HIVEP3: variants seen among roughly 807,000 people sequenced by gnomAD.
The protein encoded by HIVEP3 is HIVEP zinc finger 3.
A neutral mutation model predicts 152.8 loss-of-function variants in HIVEP3; 49 were observed. The ratio of observed to expected loss-of-function variants is 0.32; its 90% confidence interval spans 0.26 to 0.41. The LOEUF is 0.41. HIVEP3 is among the 10% of genes least tolerant of loss of function. The pLI is 1.00. For synonymous variants in HIVEP3, 1,269 were observed against 1,289.0 expected (o/e 0.98, Z 0.33); for missense variants, 2,790 against 3,103.3 (o/e 0.90, Z 2.40).
intron 1 of HIVEP3, among the ~76,000 whole-genome samples, chr1:41,784,660 C>A (rs1312207581): frequency 2.6e-5 from 4 of 152,176 alleles, no homozygotes; most frequent in Admixed American, 2.0e-4. Flanking sequence ...TGGTTACACA[C>A]CCCATGGGAC....
intron 3 of HIVEP3, among the ~76,000 whole-genome samples, chr1:41,589,976 A>C (rs1162764147): frequency 6.6e-6 from 1 of 152,270 alleles, no homozygotes; most frequent in East Asian, 1.9e-4. Context: ...GGAGGCACTC[A>C]GTAAATATTC....
intron 7 of HIVEP3, among the ~76,000 whole-genome samples, chr1:41,516,893 C>G (rs1400951234): frequency 6.6e-6 from 1 of 152,266 alleles, no homozygotes; most frequent in Non-Finnish European, 1.5e-5. Context: ...CCTCACTTGG[C>G]TCTTCTGCTT....
intron 1 of HIVEP3, among the ~76,000 whole-genome samples, chr1:41,814,062 G>A (rs1194190291): frequency 6.6e-6 from 1 of 152,178 alleles, no homozygotes; most frequent in African/African-American, 2.4e-5. Context: ...ATCTCCTGAT[G>A]GTCTTGACCT....
chr1:41,609,932 ACT>A (rs1416238484), intron 3 of HIVEP3, among the ~76,000 whole-genome samples: 1 of 152,222 alleles, frequency 6.6e-6, no homozygotes, highest in African/African-American at 2.4e-5. Context: ...GAATTGGTAA[ACT>A]CTGAGTAAAG....
intron 5 of HIVEP3, among the ~76,000 whole-genome samples, chr1:41,558,003 T>C (rs1643994849): frequency 6.6e-6 from 1 of 152,110 alleles, no homozygotes; most frequent in Non-Finnish European, 1.5e-5. Context: ...GACGAACAAA[T>C]GGAGCTACAC....
intron 1 of HIVEP3, among the ~76,000 whole-genome samples, chr1:41,789,390 C>T (rs1055142788): frequency 1.4e-4 from 21 of 152,266 alleles, no homozygotes; most frequent in African/African-American, 4.3e-4. Context: ...ATGAGTTCAA[C>T]GTTTGTGAGC....
chr1:41,847,471 T>C (rs1441977901), intron 1 of HIVEP3: 4 of 152,266 alleles, frequency 2.6e-5, no homozygotes, highest in Non-Finnish European at 5.9e-5. Context: ...TGATACTATA[T>C]GACTAAATGA....
chr1:41,865,133 T>C (rs910751988), intron 1 of HIVEP3, among the ~76,000 whole-genome samples: 3 of 152,256 alleles, frequency 2.0e-5, no homozygotes, highest in African/African-American at 7.2e-5. Context: ...ATTTTTTTTA[T>C]TCACTCTCTC....
chr1:41,958,302 G>A (rs991761806), intron 1 of HIVEP3, among the ~76,000 whole-genome samples: 1 of 152,200 alleles, frequency 6.6e-6, no homozygotes, highest in South Asian at 2.1e-4. Flanking sequence ...GACCCTGAGG[G>A]TTCAGGAGCG....
At chr1:41,783,095 G>A (rs999482537) in intron 1 of HIVEP3, among the ~76,000 whole-genome samples, 3 of 152,184 alleles carry the variant, frequency 2.0e-5, no homozygotes, top group Admixed American at 2.0e-4. Flanking sequence ...TGACTCTGGT[G>A]GGTGTTTGTC....
At chr1:41,515,646 A>T (rs1642580429) in intron 7 of HIVEP3, among the ~76,000 whole-genome samples, 1 of 152,230 alleles carries the variant, frequency 6.6e-6, no homozygotes, top group African/African-American at 2.4e-5. Flanking sequence ...TTACGCTGAC[A>T]GTTTAAAAAT....
At chr1:41,956,261 G>T (rs1299174238) in intron 1 of HIVEP3, among the ~76,000 whole-genome samples, 2 of 152,212 alleles carry the variant, frequency 1.3e-5, no homozygotes, top group African/African-American at 4.8e-5. Flanking sequence ...AGAAACTAAG[G>T]AACATAAGCA....
chr1:41,991,625 G>A (rs1449771910), intron 1 of HIVEP3, among the ~76,000 whole-genome samples: 9 of 150,930 alleles, frequency 6.0e-5, no homozygotes, highest in East Asian at 1.9e-4. Flanking sequence ...AGAAAAAGAG[G>A]GAATCCTCCC....
chr1:41,901,679 G>A (rs549016943), intron 1 of HIVEP3, among the ~76,000 whole-genome samples: 5 of 152,286 alleles, frequency 3.3e-5, no homozygotes, highest in African/African-American at 4.8e-5. Context: ...TTATTAAGAC[G>A]CAGGTCAGAG....
At chr1:41,605,375 G>GCGCGCA (rs1283562242) in intron 3 of HIVEP3, among the ~76,000 whole-genome samples, 16 of 126,624 alleles carry the variant, frequency 1.3e-4, no homozygotes, top group South Asian at 9.7e-4. Context: ...ACGCACACGC[G>GCGCGCA]CACACACACA....
intron 1 of HIVEP3, among the ~76,000 whole-genome samples, chr1:41,953,551 C>T (rs1645122198): frequency 1.3e-5 from 2 of 152,184 alleles, no homozygotes; most frequent in Non-Finnish European, 2.9e-5. Flanking sequence ...AGACTGTGCA[C>T]ATCCCATAAG....
chr1:41,641,440 A>G (rs1645371072), intron 2 of HIVEP3, among the ~76,000 whole-genome samples: 1 of 152,114 alleles, frequency 6.6e-6, no homozygotes. Flanking sequence ...GCCCAGTGCT[A>G]CCCCATCTTC....
At chr1:41,679,265 T>C (rs563014483) in intron 2 of HIVEP3, among the ~76,000 whole-genome samples, 513 of 152,298 alleles carry the variant, frequency 3.4e-3, no homozygotes, top group African/African-American at 0.01. Flanking sequence ...TCTGGGACCC[T>C]ATTTTGCAGA....
intron 7 of HIVEP3, 88 bp downstream of exon 7, chr1:41,518,314 G>A: frequency 9.0e-7 from 1 of 1,106,438 alleles, no homozygotes; most frequent in Non-Finnish European, 1.4e-6. Context: ...CAGACAGAAA[G>A]GAAGCAGGGA....
Sources: gnomAD v4.1 joint callset for allele counts (sites outside exome capture counted in the v4.1 genomes callset) on GRCh38, gnomAD v4.1.1 for gene constraint, MANE v1.5 for transcripts, NCBI Gene and HGNC (gene_info 2026-07-23, HGNC 2026-07-21) for gene names.